The following USH1C variants were observed in gnomAD, a reference collection of about 807,000 sequenced individuals.
USH1C encodes the protein harmonin.
Under a neutral mutation model 119.3 loss-of-function variants are expected in USH1C, and 90 were observed. The observed-to-expected ratio is 0.75, with a 90% confidence interval of 0.64 to 0.90. The LOEUF (loss-of-function observed/expected upper bound fraction) is 0.90, where lower values mean the gene tolerates loss of function less well. Among genes scored for constraint, USH1C ranks in the 40% least tolerant of loss-of-function variants. The pLI is 0.00. For missense variants in USH1C, 1,165 were observed against 1,167.7 expected (o/e 1.00, Z 0.03); for synonymous variants, 465 against 443.3 (o/e 1.05, Z -0.62).
At chr11:17,497,976 T>G (rs1208483538) in intron 24 of USH1C, among the ~76,000 whole-genome samples, 186 bp downstream of exon 24, 1 of 152,186 alleles carries the variant, frequency 6.6e-6, no homozygotes, top group Non-Finnish European at 1.5e-5. Context: ...TTGACATCTA[T>G]TTTTCTGAAT....
At chr11:17,507,448 T>C (rs1849695979) in intron 18 of USH1C, among the ~76,000 whole-genome samples, 1 of 152,200 alleles carries the variant, frequency 6.6e-6, no homozygotes, top group South Asian at 2.1e-4. Context: ...TGAATCTTGA[T>C]CCTGACTCAA....
intron 22 of USH1C, 76 bp downstream of exon 22, chr11:17,501,406 A>G (rs1208688268): frequency 6.6e-7 from 1 of 1,515,046 alleles, no homozygotes; most frequent in African/African-American, 1.4e-5. Flanking sequence ...CCTTGAGAGT[A>G]GAGGCAGGAG....
intron 4 of USH1C, among the ~76,000 whole-genome samples, chr11:17,530,356 A>G (rs1850905035): frequency 6.6e-6 from 1 of 152,168 alleles, no homozygotes; most frequent in Non-Finnish European, 1.5e-5. Context: ...GTTGCTGAAG[A>G]GAGATTTCTG....
At chr11:17,516,110 TG>T in intron 15 of USH1C, 130 bp downstream of exon 15, 1 of 993,326 alleles carries the variant, frequency 1.0e-6, no homozygotes, top group Non-Finnish European at 1.6e-6. Flanking sequence ...AAGATGGAGA[TG>T]GAGTTAGCCT....
In USH1C at chr11:17,531,367, C is replaced by T. The variant is rs779115188; in HGVS notation, c.248+32G>A. The T allele has an allele frequency of 1.1e-5, 17 of 1,613,662 alleles. No homozygotes were observed. In the South Asian group the frequency reaches 1.5e-4, roughly 15 times the overall value. ...CCCCGCCCAGGGTGATCTCTCCACC[C>T]CCTGCCTCCAGCCTGGTGGCTTCCT... On this transcript the variant is annotated intron_variant, in intron 3 of 26. Transcript: ENST00000005226. This position sits in a 1 kb window ranked among gnomAD's most constrained non-coding sequence, Gnocchi z 4.2.
chr11:17,509,719 C>T lies in USH1C; in HGVS notation c.1650G>A (p.Met550Ile). 1 of 1,601,124 alleles carries T rather than the reference C, an allele frequency of 6.2e-7. No individual in the cohort carries two copies. Among genetic ancestry groups the T allele is most frequent in the Non-Finnish European group, 8.5e-7 (1 of 1,179,536 alleles). ...AGGGAGTCTTGGGGGGATAGTAGAACATGTCCAAAGGGATGTCGTCCAGGT... is the reference window on the plus strand; with the variant it reads ...AGGGAGTCTTGGGGGGATAGTAGAATATGTCCAAAGGGATGTCGTCCAGGT... ...TTDLDDIPLD[M>I]FYYPPKTPSA... Residue 550 changes from methionine (M) to isoleucine (I), a missense_variant, in exon 18 of 27, where the codon ATG becomes ATA. Met to Ile is a conservative substitution (Grantham distance 10). Transcript: ENST00000005226.
At chr11:17,525,305 G>A (rs1850618630) in intron 8 of USH1C, among the ~76,000 whole-genome samples, 2 of 152,182 alleles carry the variant, frequency 1.3e-5, no homozygotes, top group Non-Finnish European at 2.9e-5. Flanking sequence ...TATTTACTTG[G>A]TTGGCTTCTA....
At chr11:17,498,374 G>C in intron 23 of USH1C, 103 bp from the exon 24 acceptor site, 1 of 1,083,430 alleles carries the variant, frequency 9.2e-7, no homozygotes, top group Non-Finnish European at 1.4e-6. Flanking sequence ...GAAGAGACCT[G>C]AGCCTGGGTT....
chr11:17,528,505 G>A (rs887323396), intron 4 of USH1C, among the ~76,000 whole-genome samples: 13 of 152,222 alleles, frequency 8.5e-5, no homozygotes, highest in Admixed American at 3.3e-4. Context: ...GAGAGGTTCC[G>A]GTCTGAGGCC....
At chr11:17,523,394 A>G (rs1283172264) in intron 10 of USH1C, 25 bp downstream of exon 10, 2 of 1,614,156 alleles carry the variant, frequency 1.2e-6, no homozygotes, top group Non-Finnish European at 1.7e-6. Flanking sequence ...ACAAGGGCCA[A>G]CAGGTGAAGA....
intron 8 of USH1C, 76 bp from the exon 9 acceptor site, chr11:17,524,611 G>T: frequency 6.7e-7 from 1 of 1,503,690 alleles, no homozygotes; most frequent in Non-Finnish European, 9.1e-7. Flanking sequence ...TCACTCATGA[G>T]CTGAGGACTG....
chr11:17,508,000 G>C lies in USH1C; in HGVS notation c.2013+1356C>G, dbSNP rs1161678291. The stretch of plus-strand genomic sequence containing the variant: ...GATGGCAAAGTCCTGGAAAGCACAG[G>C]CATGTCAATCTCCTCTGCATCCTCT... On this transcript the variant is annotated intron_variant, in intron 18 of 26. Transcript: ENST00000005226. Among the ~76,000 whole-genome samples, 7 of 152,148 alleles carry C rather than the reference G, an allele frequency of 4.6e-5. No homozygotes were observed. In the South Asian group the frequency reaches 6.2e-4, roughly 14 times the overall value.
intron 15 of USH1C, among the ~76,000 whole-genome samples, chr11:17,512,515 C>A (rs1849941132): frequency 6.6e-6 from 1 of 152,238 alleles, no homozygotes; most frequent in Non-Finnish European, 1.5e-5. Flanking sequence ...CAGTATCTGG[C>A]ACATGCCTTC....
chr11:17,503,158 A>C (rs962241396), intron 20 of USH1C, among the ~76,000 whole-genome samples: 17 of 152,166 alleles, frequency 1.1e-4, no homozygotes, highest in African/African-American at 3.9e-4. Flanking sequence ...TCAGCTTGGG[A>C]GCTACATCCA....
chr11:17,531,134 C>G lies in USH1C; in HGVS notation c.387+20G>C. On this transcript the variant is annotated intron_variant, in intron 4 of 26. Coordinates refer to ENST00000005226, the MANE Select transcript of USH1C (RefSeq NM_153676.4). This position sits in a 1 kb window ranked among gnomAD's most constrained non-coding sequence, Gnocchi z 4.2. ...GGTCCGAGGCCCTCGCTCCCCCTCCCCCGGACTCTGTTTGCTCACCTGGAG... is the reference window on the plus strand; with the variant it reads ...GGTCCGAGGCCCTCGCTCCCCCTCCGCCGGACTCTGTTTGCTCACCTGGAG... 6.2e-7 allele frequency: 1 copy of G among 1,613,866 alleles called. No individual in the cohort carries two copies. Among genetic ancestry groups the G allele is most frequent in the Non-Finnish European group, 8.5e-7 (1 of 1,179,992 alleles).
chr11:17,522,367 T>C (rs1414476536), intron 12 of USH1C, among the ~76,000 whole-genome samples: 3 of 152,112 alleles, frequency 2.0e-5, no homozygotes, highest in African/African-American at 7.2e-5. Flanking sequence ...CCTCTCTGAG[T>C]GTCAGTCTCC....
rs1222462725 is a variant in USH1C at position 17,527,348 on chromosome 11, G to A, written c.388-17C>T. 3 of 1,594,692 alleles carry A rather than the reference G, an allele frequency of 1.9e-6. No individual in the cohort carries two copies. Among genetic ancestry groups the A allele is most frequent in the East Asian group, 2.2e-5 (1 of 44,762 alleles). ...GTCCCCTACCTTGACCACAGAGAGA[G>A]GCAGGGAGCACCAGGTGGAGGGAGC... is the stretch of plus-strand genomic sequence containing the variant. On this transcript the variant is annotated splice_polypyrimidine_tract_variant and intron_variant, in intron 4 of 26. Transcript: ENST00000005226.
intron 1 of USH1C, among the ~76,000 whole-genome samples, chr11:17,536,355 G>C (rs1369796380): frequency 6.6e-6 from 1 of 152,224 alleles, no homozygotes; most frequent in Non-Finnish European, 1.5e-5. Flanking sequence ...GATTTCAGTA[G>C]TGAGGAACTG....
intron 1 of USH1C, 49 bp from the exon 2 acceptor site, chr11:17,533,371 C>CCCCA (rs1554963821): frequency 7.5e-7 from 1 of 1,340,296 alleles, no homozygotes; most frequent in Non-Finnish European, 1.1e-6. Context: ...GCACCCGCCC[C>CCCCA]CATAGCAGAC....
Sources: gnomAD v4.1 joint callset for allele counts (sites outside exome capture counted in the v4.1 genomes callset) on GRCh38, gnomAD v4.1.1 for gene constraint, Gnocchi (gnomAD v3.1) non-coding constraint, MANE v1.5 for transcripts, NCBI Gene and HGNC (gene_info 2026-07-23, HGNC 2026-07-21) for gene names.